The following ANO10 variants were observed in gnomAD, a reference collection of about 807,000 sequenced individuals.
ANO10 encodes the protein anoctamin 10.
ANO10 carries 77 observed loss-of-function variants against 74.7 expected under a neutral mutation model. That is an observed-to-expected ratio of 1.03 (90% CI 0.86 to 1.25). The LOEUF is 1.25. Among genes scored for constraint, ANO10 ranks in the 50% most tolerant of loss-of-function variants. ANO10 has a pLI of 0.00. For synonymous variants in ANO10, 279 were observed against 284.9 expected, an observed-to-expected ratio of 0.98 and a Z score of 0.21; for missense variants, 721 against 778.1, an observed-to-expected ratio of 0.93 and a Z score of 0.87.
intron 11 of ANO10, among the ~76,000 whole-genome samples, chr3:43,480,643 C>T (rs1039079711): frequency 2.1e-4 from 32 of 152,098 alleles, no homozygotes; most frequent in Admixed American, 2.6e-4. Flanking sequence ...GGGTGGTAAA[C>T]GAGAAGCCAA....
At chr3:43,644,923 A>G (rs72866848) in intron 1 of ANO10, among the ~76,000 whole-genome samples, 3,395 of 152,284 alleles carry the variant, frequency 0.022, 134 homozygotes, top group African/African-American at 0.077. Context: ...CTTTTCAGGT[A>G]TGCCTTCTTG....
intron 12 of ANO10, among the ~76,000 whole-genome samples, chr3:43,409,533 C>A (rs1408981659): frequency 1.3e-5 from 2 of 151,776 alleles, no homozygotes; most frequent in Non-Finnish European, 2.9e-5. Flanking sequence ...GACAGAACGA[C>A]CCTGTTTCAA....
intron 2 of ANO10, among the ~76,000 whole-genome samples, chr3:43,602,509 T>A (rs1233349646): frequency 6.6e-6 from 1 of 152,102 alleles, no homozygotes; most frequent in Non-Finnish European, 1.5e-5. Context: ...CTAATTTTTA[T>A]ATTTTTAGTA....
At chr3:43,473,865 C>G (rs1397708947) in intron 11 of ANO10, among the ~76,000 whole-genome samples, 2 of 152,076 alleles carry the variant, frequency 1.3e-5, no homozygotes, top group African/African-American at 2.4e-5. Context: ...AAATTACAAC[C>G]CCTGAAGATG....
rs1368192528 is a variant in ANO10 at position 43,432,760 on chromosome 3, T to C, written c.1798-33A>G. On this transcript the variant is annotated intron_variant, in intron 11 of 12. Coordinates refer to ENST00000292246, the MANE Select transcript of ANO10 (RefSeq NM_018075.5). ...CAAGAAAGAGTACATGTTGATGTGATACATCAGACCATATATGCAAGGAAA... is the reference window on the plus strand; with the variant it reads ...CAAGAAAGAGTACATGTTGATGTGACACATCAGACCATATATGCAAGGAAA... The C allele has an allele frequency of 1.0e-5, 13 of 1,292,070 alleles. No homozygotes were observed. In the East Asian group the frequency reaches 1.8e-4, roughly 18 times the overall value. The allele number at this position is 1,292,070 out of a possible 1,614,324, so 80.0% of individuals were successfully genotyped here.
intron 4 of ANO10, among the ~76,000 whole-genome samples, chr3:43,594,241 C>T (rs2081962268): frequency 1.3e-5 from 2 of 152,214 alleles, no homozygotes; most frequent in South Asian, 4.1e-4. Flanking sequence ...CAATTGAACT[C>T]AGCTCTCCAC....
chr3:43,495,160 T>C (rs1241300499), intron 11 of ANO10, among the ~76,000 whole-genome samples: 2 of 152,020 alleles, frequency 1.3e-5, no homozygotes, highest in Non-Finnish European at 2.9e-5. Flanking sequence ...TAATAAATGA[T>C]ATAAATGACT....
At chr3:43,618,196 G>A (rs2083215746) in intron 1 of ANO10, 1 of 152,264 alleles carries the variant, frequency 6.6e-6, no homozygotes, top group Non-Finnish European at 1.5e-5. Flanking sequence ...TAGGGAAGCT[G>A]GTGAGGACCA....
At chr3:43,445,352 T>C (rs1575829914) in intron 11 of ANO10, among the ~76,000 whole-genome samples, 2 of 152,256 alleles carry the variant, frequency 1.3e-5, no homozygotes, top group South Asian at 4.2e-4. Flanking sequence ...AAGTGTACCA[T>C]ACCAGTGTTA....
At chr3:43,689,667 T>C (rs1006146563) in intron 1 of ANO10, among the ~76,000 whole-genome samples, 4 of 152,184 alleles carry the variant, frequency 2.6e-5, no homozygotes, top group African/African-American at 9.7e-5. Context: ...TATTCGATAA[T>C]GTTTATTTAA....
intron 1 of ANO10, among the ~76,000 whole-genome samples, chr3:43,662,575 G>T (rs2149573551): frequency 6.6e-6 from 1 of 152,024 alleles, no homozygotes; most frequent in South Asian, 2.1e-4. Context: ...AGAACTGAAG[G>T]AGATAGAGAC....
chr3:43,507,281 G>T (rs1183442539), intron 11 of ANO10, among the ~76,000 whole-genome samples: 1 of 152,106 alleles, frequency 6.6e-6, no homozygotes, highest in Non-Finnish European at 1.5e-5. Context: ...ACTGTCCTTC[G>T]TAGGAGACAG....
At chr3:43,451,726 A>T (rs557513469) in intron 11 of ANO10, among the ~76,000 whole-genome samples, 5 of 152,310 alleles carry the variant, frequency 3.3e-5, no homozygotes, top group Admixed American at 2.0e-4. Context: ...CTTAGATAAG[A>T]CTATAAAGTA....
At chr3:43,521,885 A>G (rs1165067148) in intron 11 of ANO10, among the ~76,000 whole-genome samples, 1 of 152,214 alleles carries the variant, frequency 6.6e-6, no homozygotes, top group African/African-American at 2.4e-5. Flanking sequence ...AATAGCCAAA[A>G]GGTGGAAATA....
chr3:43,643,701 T>TTTTTTTTTTTTTTTTTTTTTTTTTTTG (rs2083695941), intron 1 of ANO10, among the ~76,000 whole-genome samples: 1 of 149,138 alleles, frequency 6.7e-6, no homozygotes. Context: ...TTTTTTTTTT[T>TTTTTTTTTTTTTTTTTTTTTTTTTTTG]TAGATGGAGT....
intron 1 of ANO10, among the ~76,000 whole-genome samples, chr3:43,659,638 T>A (rs1356172039): frequency 6.6e-6 from 1 of 152,194 alleles, no homozygotes; most frequent in Non-Finnish European, 1.5e-5. Context: ...ATTCCACCTA[T>A]GGGGGCAGGG....
At chr3:43,547,655 A>T (rs1289692342) in intron 11 of ANO10, among the ~76,000 whole-genome samples, 5 of 152,242 alleles carry the variant, frequency 3.3e-5, no homozygotes, top group Non-Finnish European at 7.3e-5. Context: ...TAGAATGTGC[A>T]GATTAAGTGA....
At chr3:43,585,910 A>G (rs1368658663) in intron 4 of ANO10, among the ~76,000 whole-genome samples, 1 of 152,274 alleles carries the variant, frequency 6.6e-6, no homozygotes, top group Non-Finnish European at 1.5e-5. Context: ...TCATGATGCC[A>G]AATTAAAAAC....
intron 11 of ANO10, among the ~76,000 whole-genome samples, chr3:43,473,641 G>C (rs2075953881): frequency 6.6e-6 from 1 of 152,198 alleles, no homozygotes; most frequent in African/African-American, 2.4e-5. Flanking sequence ...GAAGAAAATA[G>C]TTGATTTAAC....
Sources: allele counts gnomAD v4.1 joint callset (sites outside exome capture counted in the v4.1 genomes callset), GRCh38; gene constraint gnomAD v4.1.1; transcripts MANE v1.5; gene names NCBI Gene and HGNC (gene_info 2026-07-23, HGNC 2026-07-21).